Variants in SKI observed in about 807,000 individuals in gnomAD.
SKI encodes the protein SKI proto-oncogene, also known as ski oncogene.
Under a neutral mutation model 59.3 loss-of-function variants are expected in SKI, and 23 were observed. That is an observed-to-expected ratio of 0.39 (90% CI 0.28 to 0.55). The LOEUF is 0.55. SKI is among the 20% of genes least tolerant of loss of function. The pLI is 0.67. For missense variants in SKI, 1,017 were observed against 1,038.9 expected (o/e 0.98, Z 0.29); for synonymous variants, 673 against 488.6 (o/e 1.38, Z -4.98).
chr1:2,275,734 G>C (rs1405970957), intron 1 of SKI, among the ~76,000 whole-genome samples: 2 of 152,108 alleles, frequency 1.3e-5, no homozygotes, highest in Non-Finnish European at 2.9e-5. Context: ...GGATGCTCTC[G>C]ATCTCCTGAC....
chr1:2,274,479 C>T (rs905916254), intron 1 of SKI, among the ~76,000 whole-genome samples: 6 of 152,140 alleles, frequency 3.9e-5, no homozygotes, highest in Non-Finnish European at 7.3e-5. Context: ...ACCAGCCACC[C>T]GAGGGCCCGT....
chr1:2,305,445 C>A (rs989242220), intron 5 of SKI, among the ~76,000 whole-genome samples: 5 of 152,000 alleles, frequency 3.3e-5, no homozygotes, highest in Admixed American at 6.5e-5. Flanking sequence ...CCTGCGCGTG[C>A]CAGTCCCTCG....
Position 2,228,949 on chromosome 1 carries a change from G to GGT in SKI, c.184_185insTG (p.Ala62ValfsTer227). The GGT allele has an allele frequency of 7.2e-7, 1 of 1,395,612 alleles. No individual in the cohort carries two copies. The highest frequency in any genetic ancestry group is 9.3e-7 in the Non-Finnish European group (1 of 1,076,254). 86.5% of individuals were successfully genotyped at this position (1,395,612 alleles called of 1,614,324 possible). A position where few individuals can be genotyped will look rare whatever the true frequency, so the allele number is the denominator to read the frequency against. The stretch of plus-strand genomic sequence containing the variant: ...AGGAGGCGGGCGCGGCCGCGGTGCC[G>GGT]GCGCCGGTGCCCGCAGCCACCGAGC... On this transcript the variant is annotated frameshift_variant, in exon 1 of 7. Transcript: ENST00000378536. LOFTEE classifies it high-confidence loss of function.
chr1:2,275,496 T>C (rs1569787287), intron 1 of SKI, among the ~76,000 whole-genome samples: 1 of 151,188 alleles, frequency 6.6e-6, no homozygotes, highest in South Asian at 2.1e-4. Context: ...GTGGGGAGAG[T>C]TTGCTTTTTC....
intron 1 of SKI, among the ~76,000 whole-genome samples, chr1:2,286,694 G>A (rs747168834): frequency 1.3e-5 from 2 of 152,212 alleles, no homozygotes; most frequent in South Asian, 4.1e-4. Flanking sequence ...CGCAGCTCTC[G>A]CTCTGAGTGA....
chr1:2,277,752 C>T (rs1639775833), intron 1 of SKI, among the ~76,000 whole-genome samples: 1 of 149,856 alleles, frequency 6.7e-6, no homozygotes, highest in Non-Finnish European at 1.5e-5. Flanking sequence ...CTCACACATT[C>T]ATCAGGACCC....
At chr1:2,292,898 G>GGAC (rs1235508377) in intron 1 of SKI, among the ~76,000 whole-genome samples, 1 of 152,214 alleles carries the variant, frequency 6.6e-6, no homozygotes, top group Non-Finnish European at 1.5e-5. Context: ...TGAGCCAAAG[G>GGAC]CCGTGTCTCA....
rs768057644 is a variant in SKI, at chr1:2,302,962, C to CT, written c.970-13dup. On this transcript the variant is annotated splice_polypyrimidine_tract_variant and intron_variant, in intron 1 of 6. Coordinates refer to ENST00000378536, the MANE Select transcript of SKI (RefSeq NM_003036.4). ...TGGGAACCACAGGTGCCAACAAAAC[C>CT]TTTCATTGATCGCAGGTCTCCTCTG... The CT allele has an allele frequency of 2.8e-5, 45 of 1,613,292 alleles. No homozygotes were observed. Among genetic ancestry groups the CT allele is most frequent in the Non-Finnish European group, 3.8e-5 (45 of 1,180,016 alleles).
At chr1:2,283,769 G>T (rs1435383019) in intron 1 of SKI, among the ~76,000 whole-genome samples, 1 of 152,208 alleles carries the variant, frequency 6.6e-6, no homozygotes, top group African/African-American at 2.4e-5. Context: ...GCTGCCCCAA[G>T]GGTACGGGAG....
At chr1:2,287,622 G>A (rs1640068381) in intron 1 of SKI, among the ~76,000 whole-genome samples, 1 of 152,194 alleles carries the variant, frequency 6.6e-6, no homozygotes, top group Non-Finnish European at 1.5e-5. Flanking sequence ...GCCTGTGGGT[G>A]GGGGTGGTCT....
chr1:2,235,111 T>G (rs1638725257), intron 1 of SKI, among the ~76,000 whole-genome samples: 5 of 151,812 alleles, frequency 3.3e-5, no homozygotes, highest in African/African-American at 1.2e-4. Flanking sequence ...GGTGCGATCT[T>G]GGCTCACTGC....
At chr1:2,301,659 G>A (rs1640428496) in intron 1 of SKI, among the ~76,000 whole-genome samples, 2 of 152,228 alleles carry the variant, frequency 1.3e-5, no homozygotes, top group Admixed American at 6.5e-5. Flanking sequence ...GCCTCCAGGA[G>A]GCTGGTTCCT....
At chr1:2,299,393 CTGT>C (rs1324695705) in intron 1 of SKI, among the ~76,000 whole-genome samples, 4 of 152,304 alleles carry the variant, frequency 2.6e-5, no homozygotes, top group East Asian at 1.9e-4. Context: ...CTGGGAGGAG[CTGT>C]TGTTAGGACA....
chr1:2,308,754 C>G lies in SKI; in HGVS notation c.*1989C>G, dbSNP rs1388979897. Reference sequence around the variant, plus strand: ...AGGCCCTGCCCCATCCCCAGGGCCGCCAGGCTTGCTCCGTTTGCTTTGAGT... The same window carrying G: ...AGGCCCTGCCCCATCCCCAGGGCCGGCAGGCTTGCTCCGTTTGCTTTGAGT... On this transcript the variant is annotated 3_prime_UTR_variant, in exon 7 of 7. Coordinates refer to ENST00000378536, the MANE Select transcript of SKI (RefSeq NM_003036.4). 4 of 152,232 alleles carry G rather than the reference C, an allele frequency of 2.6e-5. No homozygotes were observed. The highest frequency in any genetic ancestry group is 5.9e-5 in the Non-Finnish European group (4 of 68,058). The allele number at this position is 152,232 out of a possible 1,614,324, so 9.4% of individuals were successfully genotyped here. A position where few individuals can be genotyped will look rare whatever the true frequency, so the allele number is the denominator to read the frequency against.
intron 1 of SKI, among the ~76,000 whole-genome samples, chr1:2,246,961 G>A (rs1252979637): frequency 2.0e-5 from 3 of 152,212 alleles, no homozygotes; most frequent in Non-Finnish European, 2.9e-5. Flanking sequence ...GGTGGCTCAC[G>A]CCTGTAATCC....
At chr1:2,279,905 G>C (rs991115281) in intron 1 of SKI, among the ~76,000 whole-genome samples, 4 of 152,188 alleles carry the variant, frequency 2.6e-5, no homozygotes, top group Admixed American at 2.0e-4. Flanking sequence ...ACTGGCCTGT[G>C]ATGCGGTGGT....
At chr1:2,233,381 C>T (rs1638685893) in intron 1 of SKI, among the ~76,000 whole-genome samples, 2 of 152,150 alleles carry the variant, frequency 1.3e-5, no homozygotes, top group Non-Finnish European at 2.9e-5. Context: ...CTTCACCTGC[C>T]ACGTGCAGTC....
intron 1 of SKI, among the ~76,000 whole-genome samples, chr1:2,282,993 G>T (rs887210093): frequency 6.6e-6 from 1 of 152,190 alleles, no homozygotes; most frequent in South Asian, 2.1e-4. Context: ...GCTGGGAGAC[G>T]GGAGCCAGTC....
At chr1:2,293,861 G>A (rs1016867806) in intron 1 of SKI, among the ~76,000 whole-genome samples, 3 of 152,186 alleles carry the variant, frequency 2.0e-5, no homozygotes, top group Non-Finnish European at 2.9e-5. Flanking sequence ...GCAGGTTCCC[G>A]GAATCTGTCG....
Sources: allele counts gnomAD v4.1 joint callset (sites outside exome capture counted in the v4.1 genomes callset), GRCh38; gene constraint gnomAD v4.1.1; transcripts MANE v1.5; gene names NCBI Gene and HGNC (gene_info 2026-07-23, HGNC 2026-07-21).